Variants in NUP107 observed in about 807,000 individuals in gnomAD.
NUP107 encodes the protein nucleoporin 107.
Under a neutral mutation model 141.0 loss-of-function variants are expected in NUP107, and 101 were observed. The ratio of observed to expected loss-of-function variants is 0.72; its 90% CI spans 0.61 to 0.84. NUP107 has a LOEUF of 0.84. Ranked by LOEUF, NUP107 falls within the 40% of genes least tolerant of loss-of-function variation. NUP107 has a pLI of 0.00. For missense variants in NUP107, 941 were observed against 1,102.7 expected, an observed-to-expected ratio of 0.85 and a Z score of 2.08; for synonymous variants, 319 against 363.9, an observed-to-expected ratio of 0.88 and a Z score of 1.41.
intron 1 of NUP107, among the ~76,000 whole-genome samples, chr12:68,688,186 G>GT (rs11333944): frequency 1.5e-3 from 218 of 148,686 alleles, no homozygotes; most frequent in South Asian, 4.3e-3. Flanking sequence ...CTATCTGAAG[G>GT]TTTTTTTTTT....
Position 68,745,247 on chromosome 12 carries a change from GTC to G in NUP107, c.*2791_*2792del, listed in dbSNP as rs1270101924. ...TTTATTTTAAATTTTTTGTACCACAGTCTCTCTTTTTAATTTTATGACTGCTG... is the reference window on the plus strand; with the variant it reads ...TTTATTTTAAATTTTTTGTACCACAGTCTCTTTTTAATTTTATGACTGCTG... On this transcript the variant is annotated 3_prime_UTR_variant, in exon 28 of 28. Coordinates refer to ENST00000229179, the MANE Select transcript of NUP107 (RefSeq NM_020401.4). The G allele has an allele frequency of 6.6e-6, 1 of 152,194 alleles. No homozygotes were observed. The highest frequency in any genetic ancestry group is 1.5e-5 in the Non-Finnish European group (1 of 68,042). The allele number at this position is 152,194 out of a possible 1,614,324, so 9.4% of individuals were successfully genotyped here. A position where few individuals can be genotyped will look rare whatever the true frequency, so the allele number is the denominator to read the frequency against.
intron 6 of NUP107, among the ~76,000 whole-genome samples, chr12:68,698,157 C>T (rs1876160967): frequency 6.6e-6 from 1 of 152,062 alleles, no homozygotes; most frequent in African/African-American, 2.4e-5. Context: ...TGGCTCCTGC[C>T]AGTAATCCCA....
chr12:68,737,480 G>A (rs1047098593), intron 26 of NUP107, among the ~76,000 whole-genome samples: 16 of 145,944 alleles, frequency 1.1e-4, no homozygotes, highest in African/African-American at 4.1e-4. Flanking sequence ...AGAATGGCCT[G>A]AACCCAGGAG....
Position 68,702,787 on chromosome 12 carries a change from A to G in NUP107, c.729+3A>G. 6.7e-7 allele frequency: 1 copy of G among 1,482,368 alleles called. No homozygotes were observed. Among genetic ancestry groups the G allele is most frequent in the Non-Finnish European group, 9.2e-7 (1 of 1,088,744 alleles). 91.8% of individuals were successfully genotyped at this position (1,482,368 alleles called of 1,614,324 possible). A position where few individuals can be genotyped will look rare whatever the true frequency, so the allele number is the denominator to read the frequency against. Reference sequence around the variant, plus strand: ...AGGAAAGTGTATTCGCAGTTACTGTAAGTTTTATATTAATTTTTTCTTTTA... The same window carrying G: ...AGGAAAGTGTATTCGCAGTTACTGTGAGTTTTATATTAATTTTTTCTTTTA... On this transcript the variant is annotated splice_donor_region_variant and intron_variant, in intron 8 of 27. Coordinates refer to ENST00000229179, the MANE Select transcript of NUP107 (RefSeq NM_020401.4).
At chr12:68,726,405 G>C (rs1039135079) in intron 18 of NUP107, 94 bp from the exon 19 acceptor site, 13 of 752,352 alleles carry the variant, frequency 1.7e-5, no homozygotes, top group Non-Finnish European at 3.0e-5. Flanking sequence ...TGACTTGAAA[G>C]CACTATAGGA....
chr12:68,729,421 C>G (rs1415741239), intron 20 of NUP107, among the ~76,000 whole-genome samples: 1 of 151,740 alleles, frequency 6.6e-6, no homozygotes, highest in African/African-American at 2.4e-5. Context: ...GGATTTATGA[C>G]ATACCTTTTT....
rs771685966 is a variant in NUP107, at chr12:68,726,548, A to G, written c.1626A>G (p.Leu542=). Residue 542 remains leucine, a synonymous_variant, in exon 19 of 28, where the codon CTA becomes CTG. Coordinates refer to ENST00000229179, the MANE Select transcript of NUP107 (RefSeq NM_020401.4). ...SKWLSKSRNN[L]PGHLLRFMTH... Reference sequence around the variant, plus strand: ...GGCTTTCCAAAAGCAGAAACAATCTACCTGGACACCTGCTTCGCTTTATGA... The same window carrying G: ...GGCTTTCCAAAAGCAGAAACAATCTGCCTGGACACCTGCTTCGCTTTATGA... 25 of 1,613,910 alleles carry G rather than the reference A, an allele frequency of 1.5e-5. No individual in the cohort carries two copies. Among genetic ancestry groups the G allele is most frequent in the African/African-American group, 2.7e-5 (2 of 74,920 alleles).
intron 12 of NUP107, among the ~76,000 whole-genome samples, chr12:68,718,950 G>A (rs1433269354): frequency 5.3e-5 from 8 of 152,028 alleles, no homozygotes; most frequent in African/African-American, 7.2e-5. Flanking sequence ...GTGCAGTGGC[G>A]CAATTTCGGC....
intron 8 of NUP107, among the ~76,000 whole-genome samples, chr12:68,707,543 G>A (rs561087200): frequency 1.3e-5 from 2 of 152,306 alleles, no homozygotes; most frequent in African/African-American, 4.8e-5. Context: ...AGAATGTAGT[G>A]AGCTGTAATT....
rs1313083096 is a variant in NUP107, at chr12:68,726,686, C to G, written c.1695+69C>G. ...CTATATACCTATTGTCAAGAAAACA[C>G]TACTTTTTTTATTATTGTTTTCTAG... On this transcript the variant is annotated intron_variant, in intron 19 of 27. Coordinates refer to ENST00000229179, the MANE Select transcript of NUP107 (RefSeq NM_020401.4). 36 of 961,832 alleles carry G rather than the reference C, an allele frequency of 3.7e-5. No homozygotes were observed. In the South Asian group the frequency reaches 5.1e-4, roughly 14 times the overall value. 59.6% of individuals were successfully genotyped at this position (961,832 alleles called of 1,614,324 possible). A position where few individuals can be genotyped will look rare whatever the true frequency, so the allele number is the denominator to read the frequency against.
chr12:68,696,038 A>G (rs1221314986), intron 5 of NUP107, among the ~76,000 whole-genome samples: 1 of 151,728 alleles, frequency 6.6e-6, no homozygotes, highest in Non-Finnish European at 1.5e-5. Context: ...AATGATTAAG[A>G]TAAATTTTAT....
In NUP107 at chr12:68,706,331, C is replaced by T. The variant is rs541301739; in HGVS notation, c.730-2907C>T. On this transcript the variant is annotated intron_variant, in intron 8 of 27. Transcript: ENST00000229179. ...CAGGCAACTGTATGAAGAGGAGATC[C>T]GGGAGCTGCAGTCCCAGATCTCGGA... 59 of 1,346,652 alleles carry T rather than the reference C, an allele frequency of 4.4e-5. No homozygotes were observed. In the African/African-American group the frequency reaches 6.3e-4, roughly 14 times the overall value. The allele number at this position is 1,346,652 out of a possible 1,614,324, so 83.4% of individuals were successfully genotyped here. A position where few individuals can be genotyped will look rare whatever the true frequency, so the allele number is the denominator to read the frequency against.
At position 68,693,796 on chromosome 12, in the gene NUP107, A is replaced by C. The variant is rs143588795; in HGVS notation, c.448+1684A>C. ...TAGCAGCCTGTTACGTTATTAGACA[A>C]GTCTCATATTGTAATTTTTTTCTTA... is the stretch of plus-strand genomic sequence containing the variant. On this transcript the variant is annotated intron_variant, in intron 5 of 27. Coordinates refer to ENST00000229179, the MANE Select transcript of NUP107 (RefSeq NM_020401.4). 3.6e-3 allele frequency among the ~76,000 whole-genome samples: 541 copies of C among 152,294 alleles called. 4 individuals are homozygous for C. The highest frequency in any genetic ancestry group is 0.013 in the African/African-American group (520 of 41,570).
In NUP107 at chr12:68,732,683, C is replaced by T; in HGVS notation, c.2045C>T (p.Pro682Leu). The T allele has an allele frequency of 6.2e-7, 1 of 1,608,832 alleles. No individual in the cohort carries two copies. The highest frequency in any genetic ancestry group is 1.1e-5 in the South Asian group (1 of 90,660). ...IDVIDWLVFD[P>L]AQRAEALKQG... ...GTAATTGACTGGTTGGTATTTGACCCAGCGCAGAGGGCAGAAGCACTGAAA... is the reference window on the plus strand; with the variant it reads ...GTAATTGACTGGTTGGTATTTGACCTAGCGCAGAGGGCAGAAGCACTGAAA... Residue 682 changes from proline to leucine, a missense_variant, in exon 23 of 28, where the codon CCA (proline) becomes CTA (leucine). Transcript: ENST00000229179.
chr12:68,705,719 C>G, intron 8 of NUP107: 1 of 663,320 alleles, frequency 1.5e-6, no homozygotes, highest in Admixed American at 2.0e-5. Context: ...ATGTGTGGGC[C>G]CAGTGCCTGC....
chr12:68,705,587 G>T (rs553935639), intron 8 of NUP107: 1 of 309,344 alleles, frequency 3.2e-6, no homozygotes, highest in South Asian at 3.2e-5. Flanking sequence ...GTTCCTTCTC[G>T]AATCTCCGCC....
rs918798258 is a variant in NUP107, at chr12:68,726,308, G to T, written c.1577-191G>T. Among the ~76,000 whole-genome samples, 4 of 152,020 alleles carry T rather than the reference G, an allele frequency of 2.6e-5. 1 individual carries two copies. The highest frequency in any genetic ancestry group is 4.4e-5 in the Non-Finnish European group (3 of 68,002). On this transcript the variant is annotated intron_variant, in intron 18 of 27. Transcript: ENST00000229179. ...TATGTCAGAGGTGACCTTTCATTTG[G>T]TTTTTATAAAATAAAGTTCGGATTG...
intron 12 of NUP107, among the ~76,000 whole-genome samples, chr12:68,718,741 G>A (rs1459383502): frequency 2.6e-5 from 4 of 151,524 alleles, no homozygotes; most frequent in Non-Finnish European, 5.9e-5. Context: ...GACCAGCCTG[G>A]GCAATATAAT....
At chr12:68,733,723 T>C in intron 24 of NUP107, 111 bp downstream of exon 24, 2 of 1,063,184 alleles carry the variant, frequency 1.9e-6, no homozygotes, top group Non-Finnish European at 2.7e-6. Context: ...CTTACCTCTC[T>C]TGTGACTATA....
Sources: allele counts gnomAD v4.1 joint callset (sites outside exome capture counted in the v4.1 genomes callset), GRCh38; gene constraint gnomAD v4.1.1; transcripts MANE v1.5; gene names NCBI Gene and HGNC (gene_info 2026-07-23, HGNC 2026-07-21).